The following IL1RAPL1 variants were observed in gnomAD, a reference collection of about 807,000 sequenced individuals.
IL1RAPL1 encodes interleukin 1 receptor accessory protein like 1, also known as interleukin-1 receptor accessory protein-like 1.
IL1RAPL1 carries 3 observed loss-of-function variants against 48.4 expected under a neutral mutation model. That is an observed-to-expected ratio of 0.06 (90% CI 0.03 to 0.16). IL1RAPL1 has a LOEUF of 0.16. Among genes scored for constraint, IL1RAPL1 ranks in the 10% least tolerant of loss-of-function variants. The pLI is 1.00. For synonymous variants in IL1RAPL1, 185 were observed against 187.7 expected, an observed-to-expected ratio of 0.99 and a Z score of 0.12; for missense variants, 349 against 530.6, an observed-to-expected ratio of 0.66 and a Z score of 3.36.
chrX:28,926,748 T>C (rs1923752899), intron 2 of IL1RAPL1, among the ~76,000 whole-genome samples: 1 of 111,574 alleles, frequency 9.0e-6, no homozygotes, highest in South Asian at 3.7e-4. Context: ...TTTTCACACC[T>C]TCTTCTCTCT....
intron 2 of IL1RAPL1, among the ~76,000 whole-genome samples, chrX:28,817,362 T>C (rs1360449478): frequency 9.0e-6 from 1 of 111,058 alleles, no homozygotes; most frequent in East Asian, 2.9e-4. Context: ...CAACTCCCAA[T>C]ATCATTTCAT....
At chrX:28,891,637 G>C (rs1039573848) in intron 2 of IL1RAPL1, among the ~76,000 whole-genome samples, 1 of 112,187 alleles carries the variant, frequency 8.9e-6, no homozygotes, top group East Asian at 2.8e-4. Context: ...ATAATATACC[G>C]TTGTATGGAT....
intron 2 of IL1RAPL1, among the ~76,000 whole-genome samples, chrX:29,266,683 C>T (rs1347443993): frequency 9.1e-6 from 1 of 110,055 alleles, no homozygotes; most frequent in Non-Finnish European, 1.9e-5. Flanking sequence ...CTTGCTTTGA[C>T]CTCTCATTCA....
chrX:29,262,539 A>T, intron 2 of IL1RAPL1, among the ~76,000 whole-genome samples: 1 of 110,352 alleles, frequency 9.1e-6, no homozygotes, highest in African/African-American at 3.3e-5. Context: ...GGTGCATGCC[A>T]GTAATCCTAG....
At chrX:28,925,743 A>G (rs1049174842) in intron 2 of IL1RAPL1, among the ~76,000 whole-genome samples, 1 of 111,185 alleles carries the variant, frequency 9.0e-6, no homozygotes, top group African/African-American at 3.3e-5. Flanking sequence ...CGACAGGGTG[A>G]AACCCTGTCT....
intron 2 of IL1RAPL1, among the ~76,000 whole-genome samples, chrX:28,849,434 G>C (rs944739164): frequency 9.0e-6 from 1 of 111,711 alleles, no homozygotes; most frequent in Admixed American, 9.5e-5. Flanking sequence ...TGGGTCTGAT[G>C]TTCTTCTTCC....
At chrX:28,624,903 G>A (rs1934321830) in intron 1 of IL1RAPL1, among the ~76,000 whole-genome samples, 1 of 111,704 alleles carries the variant, frequency 9.0e-6, no homozygotes, top group African/African-American at 3.3e-5. Flanking sequence ...GCTTTCTTTA[G>A]GATAATTATG....
chrX:29,278,834 C>T (rs767296990), intron 2 of IL1RAPL1, among the ~76,000 whole-genome samples: 1 of 111,903 alleles, frequency 8.9e-6, no homozygotes, highest in Non-Finnish European at 1.9e-5. Flanking sequence ...TATCACATAT[C>T]CTTTTAAGAT....
chrX:28,806,867 G>T (rs894310830), intron 2 of IL1RAPL1, among the ~76,000 whole-genome samples: 1 of 110,898 alleles, frequency 9.0e-6, no homozygotes, highest in African/African-American at 3.3e-5. Flanking sequence ...ATTGAGGAGA[G>T]GTTATTACCT....
intron 2 of IL1RAPL1, among the ~76,000 whole-genome samples, chrX:29,150,921 C>CAAAAAAAAAA (rs757072950): frequency 2.3e-5 from 1 of 43,732 alleles, no homozygotes; most frequent in Non-Finnish European, 4.3e-5. Flanking sequence ...GACTCCATCT[C>CAAAAAAAAAA]AAAAAAAAAA....
intron 2 of IL1RAPL1, among the ~76,000 whole-genome samples, chrX:29,076,415 T>C (rs1159488928): frequency 8.9e-6 from 1 of 112,083 alleles, no homozygotes; most frequent in Non-Finnish European, 1.9e-5. Flanking sequence ...ATATGTTGCA[T>C]ATGACAAATT....
chrX:29,213,383 G>C lies in IL1RAPL1; in HGVS notation c.83-69555G>C, dbSNP rs779335142. Among the ~76,000 whole-genome samples the C allele has an allele frequency of 6.2e-5, 7 of 112,509 alleles. No individual in the cohort carries two copies. In the East Asian group the frequency reaches 2.0e-3, roughly 32 times the overall value. ...CAATTACTGCTAGAGTTTCTCAAGT[G>C]GTCTGAAAATCAGCACTTTCTACCC... On this transcript the variant is annotated intron_variant, in intron 2 of 10. Transcript: ENST00000378993.
Position 28,611,191 on chromosome X carries a change from T to C in IL1RAPL1, c.-25+23144T>C, listed in dbSNP as rs188381926. 3.6e-5 allele frequency among the ~76,000 whole-genome samples: 4 copies of C among 111,971 alleles called. No individual in the cohort carries two copies. In the East Asian group the frequency reaches 8.4e-4, roughly 24 times the overall value. On this transcript the variant is annotated intron_variant, in intron 1 of 10. Coordinates refer to ENST00000378993, the MANE Select transcript of IL1RAPL1 (RefSeq NM_014271.4). The stretch of plus-strand genomic sequence containing the variant: ...TTAACACATTAAAAGAGCAAATCAG[T>C]ATCTTAAGGTTTAAACTTCTTAGCT...
intron 6 of IL1RAPL1, among the ~76,000 whole-genome samples, chrX:29,774,337 C>T (rs1929139784): frequency 9.0e-6 from 1 of 111,392 alleles, no homozygotes; most frequent in East Asian, 2.8e-4. Flanking sequence ...TTATGTCCAT[C>T]ACAACATCAG....
At chrX:29,743,985 A>G (rs747025475) in intron 6 of IL1RAPL1, among the ~76,000 whole-genome samples, 12 of 111,812 alleles carry the variant, frequency 1.1e-4, no homozygotes, top group African/African-American at 3.9e-4. Context: ...AAATACATGA[A>G]TGAATGAACA....
chrX:29,283,903 C>T (rs1932241327), intron 3 of IL1RAPL1, among the ~76,000 whole-genome samples: 1 of 112,567 alleles, frequency 8.9e-6, no homozygotes, highest in Admixed American at 9.4e-5. Flanking sequence ...AAGCAATGCC[C>T]ATGTAACACA....
intron 5 of IL1RAPL1, among the ~76,000 whole-genome samples, chrX:29,561,185 C>A (rs1334762245): frequency 8.9e-6 from 1 of 112,332 alleles, no homozygotes; most frequent in Non-Finnish European, 1.9e-5. Context: ...TTTTGTTTTT[C>A]CTAGGGCATT....
intron 5 of IL1RAPL1, among the ~76,000 whole-genome samples, chrX:29,527,431 G>A (rs957987266): frequency 1.9e-4 from 17 of 89,510 alleles, no homozygotes; most frequent in African/African-American, 6.3e-4. Flanking sequence ...TCCGCATCCC[G>A]GGTTCAAGTG....
At position 29,022,211 on chromosome X, in the gene IL1RAPL1, C is replaced by T. The variant is rs565350731; in HGVS notation, c.82+232786C>T. ...CTTCCAGTTGAATTTCGCCCCAACC[C>T]TCATGAGAGTCCTCTATTCTCAAGG... On this transcript the variant is annotated intron_variant, in intron 2 of 10. Transcript: ENST00000378993. Among the ~76,000 whole-genome samples the T allele has an allele frequency of 3.9e-4, 43 of 111,235 alleles. No individual in the cohort carries two copies. In the South Asian group the frequency reaches 0.017, roughly 43 times the overall value.
Sources: gnomAD v4.1 joint callset for allele counts (sites outside exome capture counted in the v4.1 genomes callset) on GRCh38, gnomAD v4.1.1 for gene constraint, MANE v1.5 for transcripts, NCBI Gene and HGNC (gene_info 2026-07-23, HGNC 2026-07-21) for gene names.